GLRB: variants seen among roughly 807,000 people sequenced by gnomAD.
The protein encoded by GLRB is glycine receptor subunit beta.
Under a neutral mutation model 54.2 loss-of-function variants are expected in GLRB, and 33 were observed. The observed-to-expected ratio is 0.61, with a 90% CI of 0.46 to 0.81. The LOEUF (loss-of-function observed/expected upper bound fraction) is 0.81, where lower values mean the gene tolerates loss of function less well. Ranked by LOEUF, GLRB falls within the 40% of genes least tolerant of loss-of-function variation. The pLI is 0.00. For missense variants in GLRB, 572 were observed against 584.6 expected (o/e 0.98, Z 0.22); for synonymous variants, 209 against 208.2 (o/e 1.00, Z -0.03).
intron 2 of GLRB, among the ~76,000 whole-genome samples, chr4:157,094,829 C>G (rs891656013): frequency 6.6e-6 from 1 of 152,160 alleles, no homozygotes; most frequent in Non-Finnish European, 1.5e-5. Flanking sequence ...TCCATATACT[C>G]TATGAACCAG....
chr4:157,170,392 GAA>G, intron 9 of GLRB, 38 bp from the exon 10 acceptor site: 1 of 1,233,106 alleles, frequency 8.1e-7, no homozygotes, highest in Non-Finnish European at 1.2e-6. Flanking sequence ...TTCGTAAGTA[GAA>G]AAGTTTTAAA....
intron 2 of GLRB, among the ~76,000 whole-genome samples, chr4:157,086,040 C>T (rs1734399499): frequency 6.6e-6 from 1 of 152,118 alleles, no homozygotes; most frequent in Non-Finnish European, 1.5e-5. Flanking sequence ...GATCATAGCT[C>T]ATTGCAACCT....
chr4:157,105,437 A>T (rs949076792), intron 2 of GLRB, among the ~76,000 whole-genome samples: 4 of 152,040 alleles, frequency 2.6e-5, no homozygotes, highest in African/African-American at 9.7e-5. Flanking sequence ...TTGGAACCTA[A>T]CATGTGATCT....
At chr4:157,143,699 T>G in intron 7 of GLRB, 108 bp from the exon 8 acceptor site, 2 of 1,097,458 alleles carry the variant, frequency 1.8e-6, no homozygotes, top group Non-Finnish European at 2.7e-6. Flanking sequence ...ATTTCCTCTG[T>G]GAAATTGCCT....
chr4:157,140,693 G>C (rs1736575129), intron 7 of GLRB, among the ~76,000 whole-genome samples: 1 of 151,882 alleles, frequency 6.6e-6, no homozygotes, highest in African/African-American at 2.4e-5. Flanking sequence ...GTGGGAGAGG[G>C]AGTCTGATAC....
rs754533972 is a variant in GLRB at position 157,136,654 on chromosome 4, C to A, written c.483C>A (p.Ile161=). The A allele has an allele frequency of 7.4e-6, 12 of 1,612,566 alleles. No individual in the cohort carries two copies. Among genetic ancestry groups the A allele is most frequent in the Non-Finnish European group, 1.0e-5 (12 of 1,178,688 alleles). Residue 161 remains isoleucine, a synonymous_variant, in exon 5 of 10, where the codon ATC becomes ATA. Coordinates refer to ENST00000264428, the MANE Select transcript of GLRB (RefSeq NM_000824.5). The part of the protein sequence containing the change: ...ANFHDVTQEN[I]LLFIFRDGDV... ...TTCATGATGTGACCCAGGAAAACAT[C>A]CTCCTCTTTATTTTTCGTGATGGAG...
intron 9 of GLRB, among the ~76,000 whole-genome samples, chr4:157,154,873 A>G (rs1239963686): frequency 2.6e-5 from 4 of 152,062 alleles, no homozygotes; most frequent in African/African-American, 9.7e-5. Context: ...ATCACGATCT[A>G]CTAGTGTCAT....
intron 3 of GLRB, among the ~76,000 whole-genome samples, 160 bp downstream of exon 3, chr4:157,120,822 C>T (rs1396669900): frequency 6.6e-6 from 1 of 151,642 alleles, no homozygotes; most frequent in Non-Finnish European, 1.5e-5. Flanking sequence ...CAGAACAATT[C>T]AATGCCTAAA....
At chr4:157,096,172 A>G (rs978782115) in intron 2 of GLRB, among the ~76,000 whole-genome samples, 4 of 152,214 alleles carry the variant, frequency 2.6e-5, no homozygotes, top group Non-Finnish European at 5.9e-5. Flanking sequence ...GCAAAAGCCA[A>G]TCACACCCCC....
chr4:157,098,398 T>C (rs1734891119), intron 2 of GLRB, among the ~76,000 whole-genome samples: 1 of 152,150 alleles, frequency 6.6e-6, no homozygotes, highest in African/African-American at 2.4e-5. Context: ...GATTGTAAGA[T>C]CTATTAGCCT....
At chr4:157,157,488 C>T (rs145982050) in intron 9 of GLRB, among the ~76,000 whole-genome samples, 3,294 of 152,118 alleles carry the variant, frequency 0.022, 76 homozygotes, top group African/African-American at 0.051. Context: ...TATCCCTCCC[C>T]GCTCCCCCCA....
chr4:157,082,125 A>G (rs1428685275), intron 2 of GLRB, among the ~76,000 whole-genome samples: 4 of 152,060 alleles, frequency 2.6e-5, no homozygotes, highest in Admixed American at 6.6e-5. Context: ...GTTGATTTCT[A>G]TGTCTGTGTA....
intron 4 of GLRB, among the ~76,000 whole-genome samples, chr4:157,132,405 A>G (rs1056709576): frequency 1.3e-5 from 2 of 151,724 alleles, no homozygotes; most frequent in Non-Finnish European, 2.9e-5. Context: ...ATGATTGATT[A>G]TATTGTATTG....
intron 2 of GLRB, among the ~76,000 whole-genome samples, chr4:157,114,455 T>G (rs1399567697): frequency 6.6e-6 from 1 of 151,874 alleles, no homozygotes; most frequent in South Asian, 2.1e-4. Context: ...TTTCTCTATT[T>G]TTATTTTTCT....
chr4:157,124,940 T>A (rs1735963868), intron 4 of GLRB, among the ~76,000 whole-genome samples: 3 of 151,884 alleles, frequency 2.0e-5, no homozygotes, highest in Admixed American at 2.0e-4. Flanking sequence ...TACACATATA[T>A]CATTTTACAG....
chr4:157,101,682 G>A (rs1735031957), intron 2 of GLRB, among the ~76,000 whole-genome samples: 1 of 151,630 alleles, frequency 6.6e-6, no homozygotes, highest in African/African-American at 2.4e-5. Flanking sequence ...AGTATACTTA[G>A]GTTTTCTATT....
At chr4:157,089,285 G>A (rs902764720) in intron 2 of GLRB, among the ~76,000 whole-genome samples, 1 of 152,042 alleles carries the variant, frequency 6.6e-6, no homozygotes, top group Non-Finnish European at 1.5e-5. Context: ...TGTAATCCCA[G>A]CTGCTTGGGA....
At chr4:157,091,749 C>G (rs72978490) in intron 2 of GLRB, among the ~76,000 whole-genome samples, 7,842 of 152,208 alleles carry the variant, frequency 0.052, 248 homozygotes, top group Middle Eastern at 0.11. Context: ...CAATTCTGCT[C>G]TGCACTTCCA....
intron 2 of GLRB, among the ~76,000 whole-genome samples, chr4:157,103,095 A>G (rs1431255003): frequency 1.3e-5 from 2 of 151,678 alleles, no homozygotes; most frequent in Non-Finnish European, 2.9e-5. Context: ...GGTTGTGGTA[A>G]GCTGAGATCA....
Sources: allele counts gnomAD v4.1 joint callset (sites outside exome capture counted in the v4.1 genomes callset), GRCh38; gene constraint gnomAD v4.1.1; transcripts MANE v1.5; gene names NCBI Gene and HGNC (gene_info 2026-07-23, HGNC 2026-07-21).